NCMAP: variants seen among roughly 807,000 people sequenced by gnomAD.
NCMAP encodes non-compact myelin associated protein, also known as noncompact myelin-associated protein.
In NCMAP, 8 loss-of-function variants were observed where a neutral mutation model predicts 7.8. The ratio of observed to expected loss-of-function variants is 1.02; its 90% CI spans 0.60 to 1.84. The LOEUF is 1.84. Among genes scored for constraint, NCMAP ranks in the 40% most tolerant of loss-of-function variants. The pLI, the probability that NCMAP is intolerant of heterozygous loss-of-function variation, is 0.00. For missense variants in NCMAP, 112 were observed against 131.4 expected (o/e 0.85, Z 0.72); for synonymous variants, 41 against 52.9 (o/e 0.78, Z 0.98).
chr1:24,598,638 T>C (rs1298522038), intron 2 of NCMAP, among the ~76,000 whole-genome samples: 1 of 151,904 alleles, frequency 6.6e-6, no homozygotes, highest in Non-Finnish European at 1.5e-5. Context: ...TTCTTTTTTT[T>C]TTCTTTTTTG....
intron 2 of NCMAP, among the ~76,000 whole-genome samples, chr1:24,597,667 G>GAAAGA (rs1553157456): frequency 9.8e-5 from 13 of 132,852 alleles, no homozygotes; most frequent in African/African-American, 3.3e-4. Context: ...AAGAAAGAAA[G>GAAAGA]AAAGAAAAGA....
At chr1:24,596,204 C>T (rs1311490537) in intron 2 of NCMAP, among the ~76,000 whole-genome samples, 1 of 152,096 alleles carries the variant, frequency 6.6e-6, no homozygotes, top group African/African-American at 2.4e-5. Context: ...ACCTGGGAAG[C>T]AGAGGTTGCA....
At chr1:24,559,498 A>T (rs6666631) in intron 1 of NCMAP, among the ~76,000 whole-genome samples, 14 of 151,888 alleles carry the variant, frequency 9.2e-5, no homozygotes, top group African/African-American at 3.4e-4. Context: ...CCAGAGGGGG[A>T]GCTGGCTAGT....
intron 1 of NCMAP, among the ~76,000 whole-genome samples, chr1:24,556,632 C>A (rs1362973194): frequency 6.6e-6 from 1 of 152,130 alleles, no homozygotes; most frequent in African/African-American, 2.4e-5. Flanking sequence ...TGAAAACCCA[C>A]GGCAGAGAAG....
chr1:24,559,341 G>C (rs1338771049), intron 1 of NCMAP, among the ~76,000 whole-genome samples: 1 of 152,180 alleles, frequency 6.6e-6, no homozygotes, highest in Non-Finnish European at 1.5e-5. Flanking sequence ...ATTTCTTGCT[G>C]TTTACACTGA....
chr1:24,601,149 C>G (rs1048549736), intron 3 of NCMAP, 125 bp downstream of exon 3: 1 of 736,580 alleles, frequency 1.4e-6, no homozygotes, highest in African/African-American at 1.7e-5. Context: ...AGTAAATGCT[C>G]TAACCCTTGG....
At chr1:24,560,556 C>CCT in intron 1 of NCMAP, among the ~76,000 whole-genome samples, 1 of 152,214 alleles carries the variant, frequency 6.6e-6, no homozygotes, top group South Asian at 2.1e-4. Context: ...ACCAATCTGG[C>CCT]CAACATAGGG....
chr1:24,597,517 GA>G (rs1314188700), intron 2 of NCMAP, among the ~76,000 whole-genome samples: 3 of 43,454 alleles, frequency 6.9e-5, no homozygotes, highest in African/African-American at 7.7e-5. Context: ...GAAAGAGAAG[GA>G]AGGGGGGGGG....
chr1:24,562,355 T>A (rs1208190172), intron 1 of NCMAP, among the ~76,000 whole-genome samples: 1 of 152,218 alleles, frequency 6.6e-6, no homozygotes, highest in Non-Finnish European at 1.5e-5. Flanking sequence ...ATCATCTCCA[T>A]CTTGCAGATG....
chr1:24,602,177 C>G (rs929299140), intron 3 of NCMAP, among the ~76,000 whole-genome samples: 1 of 152,102 alleles, frequency 6.6e-6, no homozygotes, highest in African/African-American at 2.4e-5. Context: ...TACCCATACA[C>G]ATATCCAAGG....
chr1:24,598,064 C>T (rs1403099579), intron 2 of NCMAP, among the ~76,000 whole-genome samples: 1 of 151,966 alleles, frequency 6.6e-6, no homozygotes, highest in Non-Finnish European at 1.5e-5. Flanking sequence ...GGACAGCCTC[C>T]CCGACAAAGA....
At chr1:24,587,993 G>C (rs1194427678) in intron 1 of NCMAP, among the ~76,000 whole-genome samples, 1 of 151,668 alleles carries the variant, frequency 6.6e-6, no homozygotes, top group African/African-American at 2.4e-5. Flanking sequence ...AGGTTTAATA[G>C]GCAAAAGAAA....
At chr1:24,590,799 G>C (rs1652025698) in intron 1 of NCMAP, among the ~76,000 whole-genome samples, 1 of 152,118 alleles carries the variant, frequency 6.6e-6, no homozygotes, top group African/African-American at 2.4e-5. Flanking sequence ...TTTATAGAAA[G>C]AATGTCTCCT....
At chr1:24,577,527 G>A (rs1351602009) in intron 1 of NCMAP, among the ~76,000 whole-genome samples, 4 of 148,978 alleles carry the variant, frequency 2.7e-5, no homozygotes, top group African/African-American at 5.0e-5. Context: ...CTCCCACTTC[G>A]GCCTCCCAAA....
Position 24,605,815 on chromosome 1 carries a change from C to A in NCMAP, c.*68C>A. 1.3e-6 allele frequency: 2 copies of A among 1,551,216 alleles called. No individual in the cohort carries two copies. The highest frequency in any genetic ancestry group is 1.8e-6 in the Non-Finnish European group (2 of 1,130,178). On this transcript the variant is annotated 3_prime_UTR_variant, in exon 4 of 4. Transcript: ENST00000374392. ...TCCAGAGTCAAGACCCAGAGGCACA[C>A]TCTCTGGCAGCTTCACAATGAGCTT...
At chr1:24,578,245 C>CAAAAAAA (rs35145959) in intron 1 of NCMAP, among the ~76,000 whole-genome samples, 3 of 116,318 alleles carry the variant, frequency 2.6e-5, no homozygotes, top group Non-Finnish European at 5.4e-5. Context: ...GACACTGTCT[C>CAAAAAAA]AAAAAAAAAA....
intron 2 of NCMAP, among the ~76,000 whole-genome samples, chr1:24,599,015 C>A (rs935783372): frequency 6.6e-6 from 1 of 151,620 alleles, no homozygotes; most frequent in African/African-American, 2.4e-5. Context: ...TGTGGTGGCT[C>A]ACGCCTACAA....
At chr1:24,563,712 C>T (rs1651129226) in intron 1 of NCMAP, 1 of 152,188 alleles carries the variant, frequency 6.6e-6, no homozygotes, top group African/African-American at 2.4e-5. Context: ...CGGTCCATGC[C>T]CATCTGAAAG....
intron 1 of NCMAP, among the ~76,000 whole-genome samples, chr1:24,587,001 C>G (rs919600661): frequency 6.6e-6 from 1 of 152,166 alleles, no homozygotes; most frequent in Non-Finnish European, 1.5e-5. Context: ...CACAACAACC[C>G]TATGGAGTTG....
Sources: gnomAD v4.1 joint callset for allele counts (sites outside exome capture counted in the v4.1 genomes callset) on GRCh38, gnomAD v4.1.1 for gene constraint, MANE v1.5 for transcripts, NCBI Gene and HGNC (gene_info 2026-07-23, HGNC 2026-07-21) for gene names.